Variants in RORB observed in about 807,000 individuals in gnomAD.
RORB encodes the protein nuclear receptor ROR-beta.
Under a neutral mutation model 59.1 loss-of-function variants are expected in RORB, and 6 were observed. The ratio of observed to expected loss-of-function variants is 0.10; its 90% CI spans 0.06 to 0.20. The LOEUF (loss-of-function observed/expected upper bound fraction) is 0.20. Among genes scored for constraint, RORB ranks in the 10% least tolerant of loss-of-function variants. RORB has a pLI of 1.00. For missense variants in RORB, 320 were observed against 560.5 expected, an observed-to-expected ratio of 0.57 and a Z score of 4.33; for synonymous variants, 215 against 204.5, an observed-to-expected ratio of 1.05 and a Z score of -0.44.
chr9:74,560,286 G>A (rs1486297103), intron 1 of RORB, among the ~76,000 whole-genome samples: 1 of 152,122 alleles, frequency 6.6e-6, no homozygotes, highest in Admixed American at 6.6e-5. Context: ...TTAATTTATT[G>A]TGTGCTTGTC....
At chr9:74,518,790 G>T (rs1826046632) in intron 1 of RORB, among the ~76,000 whole-genome samples, 1 of 151,892 alleles carries the variant, frequency 6.6e-6, no homozygotes, top group African/African-American at 2.4e-5. Flanking sequence ...TGTGCCGCTG[G>T]GATGCTACCT....
intron 1 of RORB, among the ~76,000 whole-genome samples, chr9:74,616,621 T>G (rs1823316672): frequency 6.6e-6 from 1 of 152,208 alleles, no homozygotes; most frequent in Non-Finnish European, 1.5e-5. Flanking sequence ...CTCAGGATAT[T>G]GTTGCTGCTG....
intron 1 of RORB, among the ~76,000 whole-genome samples, chr9:74,586,105 A>G (rs1822795285): frequency 2.0e-5 from 3 of 152,232 alleles, no homozygotes; most frequent in Admixed American, 1.3e-4. Flanking sequence ...CACAGGACAT[A>G]TTTAAAGAGC....
chr9:74,625,051 C>A (rs1823486856), intron 1 of RORB, among the ~76,000 whole-genome samples: 1 of 151,942 alleles, frequency 6.6e-6, no homozygotes, highest in Admixed American at 6.6e-5. Context: ...AGAAAGAGAG[C>A]AGAAAACAAA....
chr9:74,602,051 G>T (rs955530947), intron 1 of RORB, among the ~76,000 whole-genome samples: 7 of 152,110 alleles, frequency 4.6e-5, no homozygotes, highest in African/African-American at 1.7e-4. Context: ...TGAGCCAGGG[G>T]CCCCACTATG....
At chr9:74,594,127 T>C (rs1321301100) in intron 1 of RORB, among the ~76,000 whole-genome samples, 1 of 152,250 alleles carries the variant, frequency 6.6e-6, no homozygotes, top group Non-Finnish European at 1.5e-5. Flanking sequence ...GAGACTTCAG[T>C]ATGTTTTTAT....
intron 1 of RORB, among the ~76,000 whole-genome samples, chr9:74,515,962 C>T (rs963946554): frequency 5.9e-5 from 9 of 151,914 alleles, no homozygotes; most frequent in African/African-American, 1.9e-4. Flanking sequence ...TGTGCACCAC[C>T]GCAAATGAAA....
At position 74,686,099 on chromosome 9, in the gene RORB, A is replaced by G. The variant is rs1824638380; in HGVS notation, c.*481A>G. 1.3e-5 allele frequency: 2 copies of G among 152,796 alleles called. No individual in the cohort carries two copies. The highest frequency in any genetic ancestry group is 2.1e-4 in the South Asian group (1 of 4,838). The allele number at this position is 152,796 out of a possible 1,614,324, so 9.5% of individuals were successfully genotyped here. ...TACTGTGCATGTATGTAATAAGTAT[A>G]TAATATGTGAGAATATTATATATGA... On this transcript the variant is annotated 3_prime_UTR_variant, in exon 10 of 10. Coordinates refer to ENST00000376896, the MANE Select transcript of RORB (RefSeq NM_006914.4).
intron 1 of RORB, among the ~76,000 whole-genome samples, chr9:74,549,441 CA>C (rs564673844): frequency 4.3e-4 from 40 of 92,416 alleles, no homozygotes; most frequent in Middle Eastern, 6.2e-3. Context: ...AAAATTCCGT[CA>C]AAAAAAAAAA....
intron 1 of RORB, among the ~76,000 whole-genome samples, chr9:74,515,893 G>C (rs1271310875): frequency 6.6e-6 from 1 of 152,030 alleles, no homozygotes; most frequent in African/African-American, 2.4e-5. Context: ...AAGAATCACA[G>C]AGAAACTTTT....
intron 1 of RORB, among the ~76,000 whole-genome samples, chr9:74,507,369 G>A (rs1483978758): frequency 6.6e-6 from 1 of 152,006 alleles, no homozygotes. Context: ...GTTGTTGCTG[G>A]TAATTTGCTC....
chr9:74,640,579 A>G (rs1209841830), intron 3 of RORB, among the ~76,000 whole-genome samples: 4 of 152,120 alleles, frequency 2.6e-5, no homozygotes, highest in Admixed American at 6.6e-5. Flanking sequence ...CACCGCACCC[A>G]GCCCTAGAAT....
chr9:74,666,121 T>C (rs1446783280), intron 7 of RORB, among the ~76,000 whole-genome samples: 4 of 151,994 alleles, frequency 2.6e-5, no homozygotes, highest in African/African-American at 9.7e-5. Context: ...AGCCAGTCTC[T>C]TGCAAAAATA....
Position 74,506,181 on chromosome 9 carries a change from A to G in RORB, c.7+8198A>G, listed in dbSNP as rs191548960. Among the ~76,000 whole-genome samples the G allele has an allele frequency of 1.9e-3, 292 of 152,202 alleles. 1 individual carries two copies. The highest frequency in any genetic ancestry group is 6.4e-3 in the African/African-American group (268 of 41,556). ...TACCTTAGATTACTAGATATCAAGT[A>G]GAACAAAACCCATTGAAGTAATAGA... On this transcript the variant is annotated intron_variant, in intron 1 of 9. Coordinates refer to ENST00000376896, the MANE Select transcript of RORB (RefSeq NM_006914.4).
intron 9 of RORB, among the ~76,000 whole-genome samples, chr9:74,681,470 G>A (rs894482445): frequency 6.6e-6 from 1 of 152,192 alleles, no homozygotes; most frequent in Non-Finnish European, 1.5e-5. Context: ...GAGCATGGAC[G>A]CTGGGAGAGC....
chr9:74,529,881 ACAC>A (rs1486024543), intron 1 of RORB, among the ~76,000 whole-genome samples: 1 of 151,946 alleles, frequency 6.6e-6, no homozygotes, highest in Non-Finnish European at 1.5e-5. Context: ...ATGTAACCAA[ACAC>A]CACATGTTCC....
At chr9:74,514,568 A>G (rs1017910672) in intron 1 of RORB, among the ~76,000 whole-genome samples, 6 of 151,772 alleles carry the variant, frequency 4.0e-5, no homozygotes, top group Admixed American at 3.3e-4. Context: ...CTAGCACAAA[A>G]CCTGAAACTC....
intron 1 of RORB, among the ~76,000 whole-genome samples, chr9:74,501,956 A>G (rs1408671801): frequency 6.6e-6 from 1 of 152,224 alleles, no homozygotes; most frequent in Non-Finnish European, 1.5e-5. Context: ...TGGATTTTCC[A>G]TCAACCACAA....
At chr9:74,681,877 G>T (rs773083148) in intron 9 of RORB, among the ~76,000 whole-genome samples, 13 of 152,272 alleles carry the variant, frequency 8.5e-5, no homozygotes, top group Middle Eastern at 3.4e-3. Flanking sequence ...TACTTGAATT[G>T]CTATAAGAAA....
Sources: allele counts gnomAD v4.1 joint callset (sites outside exome capture counted in the v4.1 genomes callset), GRCh38; gene constraint gnomAD v4.1.1; transcripts MANE v1.5; gene names NCBI Gene and HGNC (gene_info 2026-07-23, HGNC 2026-07-21).